The following KANSL3 variants were observed in gnomAD, a reference collection of about 807,000 sequenced individuals.
KANSL3 encodes NSL complex protein NSL3.
Under a neutral mutation model 89.2 loss-of-function variants are expected in KANSL3, and 16 were observed. The observed-to-expected ratio is 0.18, with a 90% CI of 0.12 to 0.27. The LOEUF (loss-of-function observed/expected upper bound fraction) is 0.27. KANSL3 is among the 10% of genes least tolerant of loss of function. The probability of loss-of-function intolerance (pLI) is 1.00; values close to 1 mark genes in which losing one functional copy is unlikely to be tolerated. For synonymous variants in KANSL3, 385 were observed against 419.7 expected (o/e 0.92, Z 1.01); for missense variants, 879 against 1,110.6 (o/e 0.79, Z 2.96).
At position 96,602,749 on chromosome 2, in the gene KANSL3, G is replaced by T. The variant is rs748723290; in HGVS notation, c.2259+4C>A. On this transcript the variant is annotated splice_donor_region_variant and intron_variant, in intron 18 of 20. Transcript: ENST00000431828. ...GCCCAGCCCAGCAGATGGCAGATGTGCACCTGTGGGGCTGGTCCTGGGGAG... is the reference window on the plus strand; with the variant it reads ...GCCCAGCCCAGCAGATGGCAGATGTTCACCTGTGGGGCTGGTCCTGGGGAG... 42 of 1,585,092 alleles carry T rather than the reference G, an allele frequency of 2.6e-5. No homozygotes were observed. The highest frequency in any genetic ancestry group is 3.4e-5 in the Non-Finnish European group (40 of 1,166,618).
chr2:96,599,167 A>G (rs1387238919), intron 20 of KANSL3, among the ~76,000 whole-genome samples: 6 of 152,220 alleles, frequency 3.9e-5, no homozygotes, highest in Non-Finnish European at 8.8e-5. Flanking sequence ...TTAGAATGTG[A>G]CAGCAGTGGA....
At chr2:96,583,477 A>T in the KANSL3 span, among the ~76,000 whole-genome samples, 345 of 152,270 alleles carry the variant, frequency 2.3e-3, 2 homozygotes, top group African/African-American at 8.1e-3. Context: ...ACCGCAGACT[A>T]GTTTTGTTCA....
At chr2:96,632,893 G>C (rs1443852295) in intron 2 of KANSL3, among the ~76,000 whole-genome samples, 4 of 150,852 alleles carry the variant, frequency 2.7e-5, no homozygotes, top group Admixed American at 6.6e-5. Context: ...GTGAACCCAG[G>C]AGGCGGAGCT....
At chr2:96,612,181 A>G in intron 9 of KANSL3, 101 bp downstream of exon 9, 1 of 816,122 alleles carries the variant, frequency 1.2e-6, no homozygotes, top group Non-Finnish European at 2.2e-6. Flanking sequence ...TAGGTAAAGT[A>G]TCTAGCGCAG....
At chr2:96,601,859 C>T in intron 19 of KANSL3, 83 bp from the exon 20 acceptor site, 1 of 1,465,564 alleles carries the variant, frequency 6.8e-7, no homozygotes, top group Non-Finnish European at 9.0e-7. Flanking sequence ...AGAGCTTCTC[C>T]CCCACATAAC....
chr2:96,623,514 C>T (rs1304035109), intron 3 of KANSL3, among the ~76,000 whole-genome samples: 2 of 152,266 alleles, frequency 1.3e-5, no homozygotes, highest in East Asian at 3.9e-4. Flanking sequence ...CTTTGTACAA[C>T]TATCTAAATG....
chr2:96,592,792 A>C (rs2066305788), downstream of KANSL3, among the ~76,000 whole-genome samples: 1 of 152,164 alleles, frequency 6.6e-6, no homozygotes, highest in Admixed American at 6.6e-5. Context: ...TCACAAGGTC[A>C]GGAGTTTGAG....
chr2:96,585,948 T>G, the KANSL3 span, among the ~76,000 whole-genome samples: 1 of 152,128 alleles, frequency 6.6e-6, no homozygotes, highest in Admixed American at 6.5e-5. Flanking sequence ...ATAATTGGGC[T>G]GGGCGCGGTG....
chr2:96,595,485 C>CA lies in KANSL3; in HGVS notation c.*125dup. 1 of 955,330 alleles carries CA rather than the reference C, an allele frequency of 1.0e-6. No individual in the cohort carries two copies. Among genetic ancestry groups the CA allele is most frequent in the Admixed American group, 2.6e-5 (1 of 37,900 alleles). 59.2% of individuals were successfully genotyped at this position (955,330 alleles called of 1,614,324 possible). A position where few individuals can be genotyped will look rare whatever the true frequency, so the allele number is the denominator to read the frequency against. On this transcript the variant is annotated 3_prime_UTR_variant, in exon 21 of 21. Coordinates refer to ENST00000431828, the MANE Select transcript of KANSL3 (RefSeq NM_001115016.3). The stretch of plus-strand genomic sequence containing the variant: ...TCTCTGAAGACAGTTGGCGGAGAGG[C>CA]AAAAATGACTGTCTTAAACAGGTCT...
Position 96,610,787 on chromosome 2 carries a change from G to C in KANSL3, c.1258C>G (p.Arg420Gly). 3 of 1,613,902 alleles carry C rather than the reference G, an allele frequency of 1.9e-6. No homozygotes were observed. Among genetic ancestry groups the C allele is most frequent in the Non-Finnish European group, 2.5e-6 (3 of 1,179,842 alleles). Residue 420 changes from arginine to glycine, a missense_variant, in exon 11 of 21, where the codon CGG (arginine) becomes GGG (glycine). Arg to Gly is a moderately radical substitution (Grantham distance 125). This residue lies in a region of KANSL3 where 198 missense variants were observed against 260.3 expected (regional missense o/e 0.76). Transcript: ENST00000431828. ...QCHPEAMEDF[R>G]EKIRAENSLV... ...CTGTTCTCAGCTCGAATCTTCTCCC[G>C]GAAGTCCTCCATGGCTTCAGGGTGA...
chr2:96,625,147 T>C (rs2072063099), intron 3 of KANSL3, among the ~76,000 whole-genome samples: 1 of 151,912 alleles, frequency 6.6e-6, no homozygotes, highest in Non-Finnish European at 1.5e-5. Context: ...GAGGCAGAGG[T>C]TGCAGTTAGC....
chr2:96,601,434 A>G (rs1024371226), intron 20 of KANSL3: 1 of 1,353,942 alleles, frequency 7.4e-7, no homozygotes, highest in South Asian at 1.9e-5. Context: ...ACTCTTCACA[A>G]TATCAAGGGA....
chr2:96,592,565 A>C (rs1381386469), downstream of KANSL3, among the ~76,000 whole-genome samples: 1 of 152,144 alleles, frequency 6.6e-6, no homozygotes, highest in African/African-American at 2.4e-5. Flanking sequence ...CTCCTGGGTT[A>C]ATCTCTACCT....
Position 96,609,071 on chromosome 2 carries a change from T to C in KANSL3, c.1384-7A>G, listed in dbSNP as rs1201919912. 2.6e-6 allele frequency: 4 copies of C among 1,554,296 alleles called. No homozygotes were observed. The highest frequency in any genetic ancestry group is 3.5e-6 in the Non-Finnish European group (4 of 1,148,478). ...GAAAGTCCACAATCTCATCCTAGTG[T>C]AGAGAGGAGCCAACCAAGGCCTTTT... On this transcript the variant is annotated splice_region_variant and splice_polypyrimidine_tract_variant and intron_variant, in intron 12 of 20. Transcript: ENST00000431828.
intron 12 of KANSL3, 64 bp from the exon 13 acceptor site, chr2:96,609,128 A>G: frequency 2.2e-6 from 3 of 1,381,698 alleles, no homozygotes; most frequent in Non-Finnish European, 3.0e-6. Context: ...AACCTCTCAT[A>G]TACTTTCCAA....
At chr2:96,612,690 G>T in intron 7 of KANSL3, 127 bp from the exon 8 acceptor site, 1 of 1,101,312 alleles carries the variant, frequency 9.1e-7, no homozygotes, top group Non-Finnish European at 1.3e-6. Flanking sequence ...GGCTCCACAT[G>T]AAAGAAGGGT....
Position 96,601,691 on chromosome 2 carries a change from T to C in KANSL3, c.2568A>G (p.Ala856=), listed in dbSNP as rs1046759876. 8.7e-6 allele frequency: 14 copies of C among 1,613,470 alleles called. No homozygotes were observed. The highest frequency in any genetic ancestry group is 1.7e-4 in the Middle Eastern group (1 of 6,058). ...ITTLSPMGSG[A]APSEESSSQV... is the part of the protein sequence containing the mutation. ...GGGAAGAGGACTCCTCGGATGGGGC[T>C]GCTCCTGAGCCCATAGGGCTCAGTG... The change falls in exon 20 of 21, where the codon GCA becomes GCG. Residue 856 remains alanine (A), a synonymous_variant. Coordinates refer to ENST00000431828, the MANE Select transcript of KANSL3 (RefSeq NM_001115016.3).
intron 9 of KANSL3, among the ~76,000 whole-genome samples, chr2:96,611,900 C>CGTGTGTGT (rs1558703636): frequency 1.3e-5 from 1 of 79,570 alleles, no homozygotes; most frequent in East Asian, 2.7e-4. Flanking sequence ...GATATATACC[C>CGTGTGTGT]ATATGTGTGT....
rs2066413545 is a variant in KANSL3, at chr2:96,594,752, T to C, written c.*859A>G. On this transcript the variant is annotated 3_prime_UTR_variant, in exon 21 of 21. Transcript: ENST00000431828. ...TTCCTTGGGTAGCAGAGCAGAGACCTAAGCACAAACCACAGGGCTTACTAG... is the reference window on the plus strand; with the variant it reads ...TTCCTTGGGTAGCAGAGCAGAGACCCAAGCACAAACCACAGGGCTTACTAG... 1 of 152,272 alleles carries C rather than the reference T, an allele frequency of 6.6e-6. No individual in the cohort carries two copies. The highest frequency in any genetic ancestry group is 1.5e-5 in the Non-Finnish European group (1 of 68,080). The allele number at this position is 152,272 out of a possible 1,614,324, so 9.4% of individuals were successfully genotyped here.
Sources: allele counts gnomAD v4.1 joint callset (sites outside exome capture counted in the v4.1 genomes callset), GRCh38; gene constraint gnomAD v4.1.1; regional missense constraint gnomAD v4.1.1; transcripts MANE v1.5; gene names NCBI Gene and HGNC (gene_info 2026-07-23, HGNC 2026-07-21).